COL24A1: variants seen among roughly 807,000 people sequenced by gnomAD.
COL24A1 encodes the protein collagen alpha-1(XXIV) chain.
COL24A1 carries 224 observed loss-of-function variants against 253.9 expected under a neutral mutation model. That is an observed-to-expected ratio of 0.88 (90% confidence interval 0.79 to 0.99). The LOEUF (loss-of-function observed/expected upper bound fraction) is 0.99. Among genes scored for constraint, COL24A1 ranks in the 50% least tolerant of loss-of-function variants. The probability of loss-of-function intolerance (pLI) is 0.00; values close to 1 mark genes in which losing one functional copy is unlikely to be tolerated. For missense variants in COL24A1, 2,131 were observed against 2,068.5 expected, an observed-to-expected ratio of 1.03 and a Z score of -0.59; for synonymous variants, 685 against 673.7, an observed-to-expected ratio of 1.02 and a Z score of -0.26.
intron 24 of COL24A1, among the ~76,000 whole-genome samples, chr1:85,940,064 AG>A (rs1688597043): frequency 6.6e-6 from 1 of 152,198 alleles, no homozygotes; most frequent in South Asian, 2.1e-4. Context: ...GATGAATTGA[AG>A]AAAAAGCAAT....
At chr1:85,940,566 G>A (rs983496478) in intron 24 of COL24A1, among the ~76,000 whole-genome samples, 1 of 152,084 alleles carries the variant, frequency 6.6e-6, no homozygotes, top group African/African-American at 2.4e-5. Flanking sequence ...TATAAGACAA[G>A]CACTTCATGA....
At chr1:86,126,313 C>A in intron 2 of COL24A1, 99 bp from the exon 3 acceptor site, 1 of 1,082,606 alleles carries the variant, frequency 9.2e-7, no homozygotes, top group Non-Finnish European at 1.3e-6. Context: ...CTTGTAGCAA[C>A]AGTAGTTTCT....
chr1:86,079,926 C>G lies in COL24A1; in HGVS notation c.1707+9248G>C, dbSNP rs539967922. On this transcript the variant is annotated intron_variant, in intron 7 of 59. Coordinates refer to ENST00000370571, the MANE Select transcript of COL24A1 (RefSeq NM_152890.7). ...TAGCAATCCCACTACTGGGTATATACCCAGAAGAAAAGAAATCAGTGTATC... is the reference window on the plus strand; with the variant it reads ...TAGCAATCCCACTACTGGGTATATAGCCAGAAGAAAAGAAATCAGTGTATC... 6.5e-4 allele frequency among the ~76,000 whole-genome samples: 99 copies of G among 152,170 alleles called. 1 individual carries two copies. The highest frequency in any genetic ancestry group is 2.3e-3 in the African/African-American group (94 of 41,516).
At chr1:85,790,306 T>G (rs1344905560) in intron 47 of COL24A1, among the ~76,000 whole-genome samples, 1 of 152,202 alleles carries the variant, frequency 6.6e-6, no homozygotes, top group East Asian at 1.9e-4. Flanking sequence ...AATGAATGTA[T>G]CCATTTCTTC....
intron 2 of COL24A1, among the ~76,000 whole-genome samples, chr1:86,137,937 G>C (rs1319648): frequency 0.92 from 140,199 of 152,184 alleles, 65,683 homozygotes; most frequent in Non-Finnish European, 1. Context: ...GACCAAAATC[G>C]TCCAATGGCT....
intron 55 of COL24A1, among the ~76,000 whole-genome samples, chr1:85,755,600 A>G (rs1344791258): frequency 1.3e-5 from 2 of 152,170 alleles, no homozygotes; most frequent in Admixed American, 6.6e-5. Context: ...ATTTTCAACA[A>G]GAGTGCTAAG....
intron 55 of COL24A1, among the ~76,000 whole-genome samples, chr1:85,759,918 G>A (rs1019828167): frequency 1.3e-5 from 2 of 152,158 alleles, no homozygotes; most frequent in Non-Finnish European, 2.9e-5. Context: ...TTCTTGAGAA[G>A]GGAGCTATGA....
chr1:86,108,545 G>A (rs1002892027), intron 5 of COL24A1, among the ~76,000 whole-genome samples: 2 of 146,138 alleles, frequency 1.4e-5, no homozygotes, highest in African/African-American at 5.1e-5. Context: ...CACTTTGGGA[G>A]GTCAAGGCAG....
intron 5 of COL24A1, among the ~76,000 whole-genome samples, chr1:86,094,634 T>C (rs1351367830): frequency 6.6e-6 from 1 of 151,970 alleles, no homozygotes; most frequent in African/African-American, 2.4e-5. Flanking sequence ...AATTTTTTTT[T>C]TTCTATAAGG....
At chr1:85,802,455 T>C (rs548979266) in intron 47 of COL24A1, among the ~76,000 whole-genome samples, 8 of 152,268 alleles carry the variant, frequency 5.3e-5, no homozygotes, top group Admixed American at 4.6e-4. Context: ...TCTCCACCTA[T>C]AATTATTATT....
chr1:85,973,329 T>G (rs1692357230), intron 20 of COL24A1, among the ~76,000 whole-genome samples: 1 of 152,168 alleles, frequency 6.6e-6, no homozygotes, highest in South Asian at 2.1e-4. Context: ...AATGAATTCA[T>G]AATTTATTAT....
chr1:85,760,920 G>A (rs1273023365), intron 55 of COL24A1, among the ~76,000 whole-genome samples: 1 of 152,088 alleles, frequency 6.6e-6, no homozygotes, highest in African/African-American at 2.4e-5. Context: ...GCAAGTTTTG[G>A]GTCATAGTAG....
intron 20 of COL24A1, among the ~76,000 whole-genome samples, chr1:85,981,524 A>T (rs904206024): frequency 3.9e-5 from 6 of 152,184 alleles, no homozygotes; most frequent in African/African-American, 1.4e-4. Flanking sequence ...TGAACCTAAG[A>T]CCTGAAACCA....
intron 55 of COL24A1, among the ~76,000 whole-genome samples, chr1:85,746,656 G>T (rs1056391412): frequency 3.9e-5 from 6 of 152,186 alleles, no homozygotes; most frequent in Admixed American, 6.5e-5. Flanking sequence ...GCTTCCCTGA[G>T]GTAGTAAAAT....
Position 85,761,515 on chromosome 1 carries a change from A to C in COL24A1, c.4410+16T>G. ...AAGCATCAATGGTAAACAGATATAA[A>C]TGAAAACCAACTCACTGGAGGCCCT... On this transcript the variant is annotated intron_variant, in intron 54 of 59. Transcript: ENST00000370571. The C allele has an allele frequency of 6.2e-7, 1 of 1,614,108 alleles. No homozygotes were observed. The highest frequency in any genetic ancestry group is 8.5e-7 in the Non-Finnish European group (1 of 1,179,964).
At chr1:85,830,811 C>G (rs375132064) in intron 43 of COL24A1, among the ~76,000 whole-genome samples, 1 of 152,114 alleles carries the variant, frequency 6.6e-6, no homozygotes, top group Non-Finnish European at 1.5e-5. Flanking sequence ...CACTGACCTG[C>G]GCCCACTGTC....
chr1:86,016,911 A>AATAAT (rs1697043935), intron 19 of COL24A1, among the ~76,000 whole-genome samples: 1 of 152,218 alleles, frequency 6.6e-6, no homozygotes, highest in Non-Finnish European at 1.5e-5. Context: ...GTGCAGAACA[A>AATAAT]ATAAATCAGC....
chr1:86,124,317 T>C (rs1466555188), intron 3 of COL24A1, among the ~76,000 whole-genome samples: 1 of 151,976 alleles, frequency 6.6e-6, no homozygotes, highest in African/African-American at 2.4e-5. Context: ...ATTGACCATA[T>C]CACTAAAGAC....
At chr1:86,044,599 C>A (rs1300534815) in intron 12 of COL24A1, among the ~76,000 whole-genome samples, 1 of 152,080 alleles carries the variant, frequency 6.6e-6, no homozygotes, top group East Asian at 1.9e-4. Context: ...ATAAGAAGAA[C>A]AGTGCAATCA....
Sources: gnomAD v4.1 joint callset for allele counts (sites outside exome capture counted in the v4.1 genomes callset) on GRCh38, gnomAD v4.1.1 for gene constraint, MANE v1.5 for transcripts, NCBI Gene and HGNC (gene_info 2026-07-23, HGNC 2026-07-21) for gene names.